The following PDE10A variants were observed in gnomAD, a reference collection of about 807,000 sequenced individuals.
PDE10A encodes phosphodiesterase 10A, also known as cAMP and cAMP-inhibited cGMP 3',5'-cyclic phosphodiesterase 10A.
A neutral mutation model predicts 97.7 loss-of-function variants in PDE10A; 39 were observed. The ratio of observed to expected loss-of-function variants is 0.40; its 90% CI spans 0.31 to 0.52. The LOEUF is 0.52. Ranked by LOEUF, PDE10A falls within the 20% of genes least tolerant of loss-of-function variation. The pLI, the probability that PDE10A is intolerant of heterozygous loss-of-function variation, is 0.56. For missense variants in PDE10A, 731 were observed against 1,047.8 expected, an observed-to-expected ratio of 0.70 and a Z score of 4.17; for synonymous variants, 371 against 376.8, an observed-to-expected ratio of 0.98 and a Z score of 0.18.
intron 1 of PDE10A, among the ~76,000 whole-genome samples, chr6:165,820,161 T>C (rs1170627912): frequency 2.6e-5 from 4 of 152,220 alleles, no homozygotes; most frequent in African/African-American, 9.6e-5. Flanking sequence ...CATAAATGTT[T>C]GAAAAAGATA....
At chr6:165,672,965 C>T (rs1790689208) in intron 1 of PDE10A, among the ~76,000 whole-genome samples, 1 of 152,108 alleles carries the variant, frequency 6.6e-6, no homozygotes, top group Non-Finnish European at 1.5e-5. Flanking sequence ...GTGCAGTTGC[C>T]AGTCCTTTTT....
chr6:165,908,631 G>T (rs1353592537), intron 1 of PDE10A, among the ~76,000 whole-genome samples: 1 of 152,220 alleles, frequency 6.6e-6, no homozygotes, highest in Non-Finnish European at 1.5e-5. Context: ...GTGTTGTATT[G>T]TCAGAGGAGT....
At position 165,817,890 on chromosome 6, in the gene PDE10A, T is replaced by C. The variant is rs552385956; in HGVS notation, c.-615+169639A>G. On this transcript the variant is annotated intron_variant, in intron 1 of 19. Coordinates refer to the PDE10A transcript ENST00000366882. ...CTTAAGTGCGGTAGAATGTTAATAT[T>C]TGCAAGATGAAGGGCAGAGCAAGCC... Among the ~76,000 whole-genome samples the C allele has an allele frequency of 2.0e-5, 3 of 152,328 alleles. No homozygotes were observed. In the East Asian group the frequency reaches 5.8e-4, roughly 29 times the overall value.
chr6:165,861,677 C>T (rs1227902725), intron 1 of PDE10A, among the ~76,000 whole-genome samples: 1 of 151,934 alleles, frequency 6.6e-6, no homozygotes, highest in Non-Finnish European at 1.5e-5. Context: ...CCAGAGGGAG[C>T]AACTGCAGTC....
At chr6:165,783,093 T>C (rs1225478557) in intron 1 of PDE10A, among the ~76,000 whole-genome samples, 2 of 91,188 alleles carry the variant, frequency 2.2e-5, no homozygotes, top group Non-Finnish European at 4.0e-5. Flanking sequence ...GGCAGTAACA[T>C]TTTTTGGCTA....
At chr6:165,615,416 T>C (rs1390816798) in intron 1 of PDE10A, among the ~76,000 whole-genome samples, 1 of 152,116 alleles carries the variant, frequency 6.6e-6, no homozygotes, top group African/African-American at 2.4e-5. Context: ...GAAAAATATT[T>C]CTAATACCAA....
At chr6:165,744,018 G>T (rs1309851057) in intron 1 of PDE10A, among the ~76,000 whole-genome samples, 1 of 152,146 alleles carries the variant, frequency 6.6e-6, no homozygotes, top group African/African-American at 2.4e-5. Context: ...GAGAATGATT[G>T]ATCACTTCCC....
intron 1 of PDE10A, among the ~76,000 whole-genome samples, chr6:165,828,596 G>A (rs1237247455): frequency 6.6e-6 from 1 of 152,220 alleles, no homozygotes; most frequent in African/African-American, 2.4e-5. Flanking sequence ...AAGTTCTGAG[G>A]AATGAGGTAA....
chr6:165,585,881 C>T (rs1253231575), intron 1 of PDE10A, among the ~76,000 whole-genome samples: 12 of 152,158 alleles, frequency 7.9e-5, no homozygotes, highest in Admixed American at 1.3e-4. Flanking sequence ...AGGCAGCAGT[C>T]GCATCCAACA....
chr6:165,759,029 A>T (rs1357146292), intron 1 of PDE10A, among the ~76,000 whole-genome samples: 1 of 152,200 alleles, frequency 6.6e-6, no homozygotes, highest in Non-Finnish European at 1.5e-5. Context: ...GCCAAATGCT[A>T]GTGATGTCCG....
intron 1 of PDE10A, among the ~76,000 whole-genome samples, chr6:165,810,228 C>G (rs1779242398): frequency 6.6e-6 from 1 of 152,152 alleles, no homozygotes; most frequent in African/African-American, 2.4e-5. Flanking sequence ...CTTGGTCTGC[C>G]CTTGCTGTCT....
chr6:165,921,560 C>T (rs776529054), intron 1 of PDE10A, among the ~76,000 whole-genome samples: 5 of 152,200 alleles, frequency 3.3e-5, no homozygotes, highest in Non-Finnish European at 5.9e-5. Flanking sequence ...TACAGGCTGA[C>T]ATTTACACAG....
intron 1 of PDE10A, among the ~76,000 whole-genome samples, chr6:165,614,475 C>T (rs1255449912): frequency 1.3e-5 from 2 of 152,184 alleles, no homozygotes; most frequent in South Asian, 2.1e-4. Context: ...TGTCCTCACA[C>T]GCCACTTCCC....
At chr6:165,462,627 T>A (rs534618827) in intron 3 of PDE10A, among the ~76,000 whole-genome samples, 1 of 152,188 alleles carries the variant, frequency 6.6e-6, no homozygotes, top group African/African-American at 2.4e-5. Context: ...GGTCCCCAAC[T>A]GTCACGAGCA....
At chr6:165,604,610 G>A (rs1787122234) in intron 1 of PDE10A, among the ~76,000 whole-genome samples, 1 of 151,814 alleles carries the variant, frequency 6.6e-6, no homozygotes, top group Non-Finnish European at 1.5e-5. Flanking sequence ...TGTAAAAGTA[G>A]ATATAAAGAA....
intron 1 of PDE10A, among the ~76,000 whole-genome samples, chr6:165,957,949 G>C (rs993624201): frequency 4.6e-5 from 7 of 152,202 alleles, no homozygotes; most frequent in Non-Finnish European, 1.0e-4. Context: ...CTCAGGGCTG[G>C]AGAGCAAGCG....
intron 1 of PDE10A, among the ~76,000 whole-genome samples, chr6:165,784,874 G>A (rs926627861): frequency 6.6e-6 from 1 of 152,204 alleles, no homozygotes; most frequent in Non-Finnish European, 1.5e-5. Flanking sequence ...AGAATGGTAA[G>A]GGGGAGTTGG....
intron 1 of PDE10A, among the ~76,000 whole-genome samples, chr6:165,769,065 C>G (rs1009301794): frequency 6.6e-6 from 1 of 152,156 alleles, no homozygotes; most frequent in Non-Finnish European, 1.5e-5. Flanking sequence ...CAAAGTGTAT[C>G]AGAAGCTTTT....
chr6:165,883,859 C>T (rs1562781604), intron 1 of PDE10A, among the ~76,000 whole-genome samples: 1 of 152,166 alleles, frequency 6.6e-6, no homozygotes, highest in Non-Finnish European at 1.5e-5. Flanking sequence ...AAATGACAGG[C>T]CACACCCCAC....
Sources: allele counts gnomAD v4.1 joint callset (sites outside exome capture counted in the v4.1 genomes callset), GRCh38; gene constraint gnomAD v4.1.1; transcripts MANE v1.5; gene names NCBI Gene and HGNC (gene_info 2026-07-23, HGNC 2026-07-21).